The following MANSC4 variants were observed in gnomAD, a reference collection of about 807,000 sequenced individuals.
MANSC4 encodes MANSC domain-containing protein 4.
In MANSC4, 11 loss-of-function variants were observed where a neutral mutation model predicts 11.4. The ratio of observed to expected loss-of-function variants is 0.97; its 90% confidence interval spans 0.61 to 1.60. MANSC4 has a LOEUF of 1.60. MANSC4 is among the 40% of genes most tolerant of loss of function. The pLI is 0.00. For missense variants in MANSC4, 354 were observed against 404.6 expected (o/e 0.88, Z 1.07); for synonymous variants, 123 against 147.1 (o/e 0.84, Z 1.19).
rs1325463630 is a variant in MANSC4, at chr12:27,763,180, T to A, written c.581A>T (p.Glu194Val). The A allele has an allele frequency of 2.6e-6, 4 of 1,551,712 alleles. No homozygotes were observed. The highest frequency in any genetic ancestry group is 2.6e-6 in the Non-Finnish European group (3 of 1,147,006). ...VNTNSTSYSK[E>V]LTTDFWARFT... ...TCTTGCCCAAAAATCTGTGGTTAATTCCTTAGAATAACTGGTACTGTTTGT... is the reference window on the plus strand; with the variant it reads ...TCTTGCCCAAAAATCTGTGGTTAATACCTTAGAATAACTGGTACTGTTTGT... Residue 194 changes from glutamate to valine, a missense_variant, in exon 4 of 4, where the codon GAA (glutamate) becomes GTA (valine). By Grantham distance (121) the Glu-to-Val change is moderately radical. Transcript: ENST00000381273.
chr12:27,767,721 A>C (rs1453666914), intron 2 of MANSC4, among the ~76,000 whole-genome samples: 2 of 151,514 alleles, frequency 1.3e-5, no homozygotes, highest in Non-Finnish European at 2.9e-5. Flanking sequence ...ACAACAACAA[A>C]ACCCTGGGGA....
intron 2 of MANSC4, among the ~76,000 whole-genome samples, chr12:27,768,869 A>T (rs2062086816): frequency 6.6e-6 from 1 of 152,152 alleles, no homozygotes; most frequent in African/African-American, 2.4e-5. Flanking sequence ...ACCTCGAGTG[A>T]TCTGCCTGCC....
Position 27,771,203 on chromosome 12 carries a change from G to C in MANSC4, c.74C>G (p.Ser25Ter). 5.8e-6 allele frequency: 9 copies of C among 1,552,050 alleles called. No homozygotes were observed. Among genetic ancestry groups the C allele is most frequent in the Non-Finnish European group, 7.8e-6 (9 of 1,147,092 alleles). Residue 25 changes from serine (S) to a stop codon, truncating the protein, a stop_gained, in exon 2 of 4, where the codon TCA (serine) becomes TGA (stop). Transcript: ENST00000381273. LOFTEE classifies it high-confidence loss of function. ...GCAGTCTCTGTAAAAAATTGTGGGT[G>C]AGCAGAGAGAGTCTGATGTCCACCC... ...SMGWTSDSLC[S>*]PTIFYRDCWI...
chr12:27,772,055 C>T (rs1565478190), intron 1 of MANSC4, among the ~76,000 whole-genome samples: 2 of 151,730 alleles, frequency 1.3e-5, no homozygotes, highest in African/African-American at 4.8e-5. Context: ...AAAAATCAAA[C>T]CAAACAAACA....
At chr12:27,772,121 A>G in intron 1 of MANSC4, among the ~76,000 whole-genome samples, 1 of 152,222 alleles carries the variant, frequency 6.6e-6, no homozygotes, top group East Asian at 1.9e-4. Flanking sequence ...CTAAATAGTA[A>G]TAAAATCATT....
chr12:27,772,125 A>G (rs1008886257), intron 1 of MANSC4, among the ~76,000 whole-genome samples: 2 of 152,222 alleles, frequency 1.3e-5, no homozygotes, highest in Non-Finnish European at 2.9e-5. Flanking sequence ...ATAGTAATAA[A>G]ATCATTTCAA....
Position 27,780,023 on chromosome 12 carries a change from G to T in MANSC4, c.-307+187C>A. ...AGGGCGGCGGGGGAGGAGGCTGCTG[G>T]CTGGGAGCTGGAATTCCCTTCCCGC... On this transcript the variant is annotated intron_variant, in intron 1 of 3. Coordinates refer to ENST00000381273, the MANE Select transcript of MANSC4 (RefSeq NM_001146221.5). The surrounding 1 kb of genome is among the most constrained non-coding windows in gnomAD (Gnocchi z 8.8). 1 of 154,152 alleles carries T rather than the reference G, an allele frequency of 6.5e-6. No homozygotes were observed. The highest frequency in any genetic ancestry group is 1.4e-5 in the Non-Finnish European group (1 of 69,590). The allele number at this position is 154,152 out of a possible 1,614,324, so 9.5% of individuals were successfully genotyped here.
intron 1 of MANSC4, among the ~76,000 whole-genome samples, chr12:27,774,475 A>C (rs911035164): frequency 6.7e-6 from 1 of 148,790 alleles, no homozygotes; most frequent in African/African-American, 2.4e-5. Flanking sequence ...AATAATTCAA[A>C]TCATATAGAA....
At chr12:27,774,528 A>AC (rs2062112025) in intron 1 of MANSC4, among the ~76,000 whole-genome samples, 2 of 152,242 alleles carry the variant, frequency 1.3e-5, no homozygotes, top group African/African-American at 2.4e-5. Flanking sequence ...CCATCTTAAT[A>AC]AACATCTTTC....
chr12:27,776,823 T>G (rs539737805), intron 1 of MANSC4, among the ~76,000 whole-genome samples: 1 of 152,230 alleles, frequency 6.6e-6, no homozygotes, highest in Admixed American at 6.5e-5. Flanking sequence ...AAAACTGTTT[T>G]ACAGATAGTA....
chr12:27,763,256 G>A lies in MANSC4; in HGVS notation c.505C>T (p.Pro169Ser). The A allele has an allele frequency of 6.4e-7, 1 of 1,551,682 alleles. No individual in the cohort carries two copies. The highest frequency in any genetic ancestry group is 1.4e-5 in the African/African-American group (1 of 73,144). ...GTTGAGGATGGAGCCTCTGTGGATG[G>A]CAGCATACCATTTATCGTGGTGGTT... ...KQTTTINGML[P>S]STEAPSSTTH... The change falls in exon 4 of 4, where the codon CCA becomes TCA. Residue 169 changes from proline to serine, a missense_variant. Coordinates refer to ENST00000381273, the MANE Select transcript of MANSC4 (RefSeq NM_001146221.5).
chr12:27,776,085 T>A, intron 1 of MANSC4, among the ~76,000 whole-genome samples: 1 of 94,462 alleles, frequency 1.1e-5, no homozygotes, highest in Non-Finnish European at 2.6e-5. Flanking sequence ...AGCGAGACTG[T>A]CTCAAAAAAA....
chr12:27,774,534 C>A lies in MANSC4; in HGVS notation c.-306-2952G>T, dbSNP rs1440473978. On this transcript the variant is annotated intron_variant, in intron 1 of 3. Transcript: ENST00000381273. ...AAGCACTTACCATCTTAATAAACATCTTTCTGGATATTGTTATTTAAAAAA... is the reference window on the plus strand; with the variant it reads ...AAGCACTTACCATCTTAATAAACATATTTCTGGATATTGTTATTTAAAAAA... Among the ~76,000 whole-genome samples, 3 of 152,110 alleles carry A rather than the reference C, an allele frequency of 2.0e-5. No individual in the cohort carries two copies. The East Asian group carries it at 5.8e-4, about 29-fold the overall frequency.
rs1298056308 is a variant in MANSC4 at position 27,763,409 on chromosome 12, T to C, written c.365-13A>G. 6.6e-7 allele frequency: 1 copy of C among 1,523,392 alleles called. No homozygotes were observed. Among genetic ancestry groups the C allele is most frequent in the East Asian group, 2.5e-5 (1 of 40,702 alleles). 94.4% of individuals were successfully genotyped at this position (1,523,392 alleles called of 1,614,324 possible). A position where few individuals can be genotyped will look rare whatever the true frequency, so the allele number is the denominator to read the frequency against. ...TCCGGATCTATACCTGAAAAATAAATAAGGCATCATTCATTTTATTTTTAC... is the reference window on the plus strand; with the variant it reads ...TCCGGATCTATACCTGAAAAATAAACAAGGCATCATTCATTTTATTTTTAC... On this transcript the variant is annotated splice_polypyrimidine_tract_variant and intron_variant, in intron 3 of 3. Transcript: ENST00000381273.
Position 27,780,121 on chromosome 12 carries a change from A to C in MANSC4, c.-307+89T>G. Reference sequence around the variant, plus strand: ...CCGGCCCTTTTTTGGCGCTGAGGGAAAGGAGAAGGGCAGGGCCGCCGCCTC... The same window carrying C: ...CCGGCCCTTTTTTGGCGCTGAGGGACAGGAGAAGGGCAGGGCCGCCGCCTC... On this transcript the variant is annotated intron_variant, in intron 1 of 3. Coordinates refer to ENST00000381273, the MANE Select transcript of MANSC4 (RefSeq NM_001146221.5). This position sits in a 1 kb window ranked among gnomAD's most constrained non-coding sequence, Gnocchi z 8.8. 1.6e-5 allele frequency: 3 copies of C among 189,734 alleles called. No homozygotes were observed. Among genetic ancestry groups the C allele is most frequent in the South Asian group, 1.9e-4 (1 of 5,228 alleles). 11.8% of individuals were successfully genotyped at this position (189,734 alleles called of 1,614,324 possible).
chr12:27,765,711 A>G (rs1268886738), intron 3 of MANSC4, among the ~76,000 whole-genome samples: 1 of 152,238 alleles, frequency 6.6e-6, no homozygotes, highest in East Asian at 1.9e-4. Flanking sequence ...AATTGAGAGC[A>G]GAGATATGGC....
rs1006178076 is a variant in MANSC4 at position 27,780,209 on chromosome 12, C to T, written c.-307+1G>A. ...GCCGGGCGAGCGCGGGCGGCCCTCACCTCGCCGCTCCTCCCGGGCCGCCAT... is the reference window on the plus strand; with the variant it reads ...GCCGGGCGAGCGCGGGCGGCCCTCATCTCGCCGCTCCTCCCGGGCCGCCAT... On this transcript the variant is annotated splice_donor_variant, in intron 1 of 3. Transcript: ENST00000381273. LOFTEE classifies it low-confidence loss of function (5UTR_SPLICE). The surrounding 1 kb of genome is among the most constrained non-coding windows in gnomAD (Gnocchi z 8.8). The T allele has an allele frequency of 1.0e-4, 93 of 927,102 alleles. No homozygotes were observed. Among genetic ancestry groups the T allele is most frequent in the Non-Finnish European group, 1.3e-4 (90 of 703,006 alleles). The allele number at this position is 927,102 out of a possible 1,614,324, so 57.4% of individuals were successfully genotyped here.
At chr12:27,768,550 T>G (rs115625343) in intron 2 of MANSC4, among the ~76,000 whole-genome samples, 175 of 152,128 alleles carry the variant, frequency 1.2e-3, no homozygotes, top group African/African-American at 4.0e-3. Flanking sequence ...CTTCAGTCTA[T>G]CCTCACAAAA....
intron 2 of MANSC4, 32 bp downstream of exon 2, chr12:27,771,016 T>G: frequency 4.0e-6 from 6 of 1,501,692 alleles, no homozygotes; most frequent in Non-Finnish European, 4.5e-6. Context: ...AGTTTCTTCT[T>G]ATTTTTGCCC....
Sources: allele counts gnomAD v4.1 joint callset (sites outside exome capture counted in the v4.1 genomes callset), GRCh38; gene constraint gnomAD v4.1.1; non-coding constraint Gnocchi (gnomAD v3.1); transcripts MANE v1.5; gene names NCBI Gene and HGNC (gene_info 2026-07-23, HGNC 2026-07-21).